The following GATA5 variants were observed in gnomAD, a reference collection of about 807,000 sequenced individuals.
The protein encoded by GATA5 is GATA binding protein 5.
A neutral mutation model predicts 35.0 loss-of-function variants in GATA5; 27 were observed. The ratio of observed to expected loss-of-function variants is 0.77; its 90% CI spans 0.57 to 1.06. GATA5 has a LOEUF of 1.06. Among genes scored for constraint, GATA5 ranks in the 50% least tolerant of loss-of-function variants. GATA5 has a pLI of 0.00. For synonymous variants in GATA5, 306 were observed against 267.8 expected (o/e 1.14, Z -1.39); for missense variants, 612 against 580.0 (o/e 1.06, Z -0.57).
At position 62,464,877 on chromosome 20, in the gene GATA5, C is replaced by G. The variant is rs781950321; in HGVS notation, c.1153G>C (p.Ala385Pro). 1 of 1,609,482 alleles carries G rather than the reference C, an allele frequency of 6.2e-7. No individual in the cohort carries two copies. The highest frequency in any genetic ancestry group is 1.8e-4 in the Middle Eastern group (1 of 5,684). The change falls in exon 7 of 7, where the codon GCT (alanine) becomes CCT (proline). Residue 385 changes from alanine (A) to proline (P), a missense_variant. Physicochemically the swap from Ala to Pro is conservative, Grantham distance 27. Coordinates refer to ENST00000252997, the MANE Select transcript of GATA5 (RefSeq NM_080473.5). The part of the protein sequence containing the change: ...APSPQAGLRG[A>P]LRQEAWCALA... ...GCACACCAGGCCTCTTGGCGCAGAGCCCCCCTGAGGCCAGCCTGGGGGCTT... is the reference window on the plus strand; with the variant it reads ...GCACACCAGGCCTCTTGGCGCAGAGGCCCCCTGAGGCCAGCCTGGGGGCTT...
intron 5 of GATA5, 50 bp downstream of exon 5, chr20:62,465,784 C>A: frequency 7.0e-7 from 1 of 1,420,280 alleles, no homozygotes; most frequent in South Asian, 1.2e-5. Context: ...CTGGAGGCAC[C>A]GAAGGCCACT....
intron 2 of GATA5, 87 bp downstream of exon 2, chr20:62,474,912 G>T: frequency 8.8e-7 from 1 of 1,137,754 alleles, no homozygotes; most frequent in Non-Finnish European, 1.1e-6. Context: ...CCGTGGGGGA[G>T]GATGAGGGGA....
intron 2 of GATA5, 39 bp downstream of exon 2, chr20:62,474,960 C>T: frequency 7.9e-7 from 1 of 1,268,514 alleles, no homozygotes; most frequent in Non-Finnish European, 1.0e-6. Context: ...CGGATTCGGC[C>T]GCTCCTGGGC....
rs986487322 is a variant in GATA5, at chr20:62,475,399, C to T, written c.123G>A (p.Ser41=). The T allele has an allele frequency of 2.1e-5, 29 of 1,354,946 alleles. No homozygotes were observed. In the African/African-American group the frequency reaches 2.9e-4, roughly 13 times the overall value. 83.9% of individuals were successfully genotyped at this position (1,354,946 alleles called of 1,614,324 possible). A position where few individuals can be genotyped will look rare whatever the true frequency, so the allele number is the denominator to read the frequency against. The change falls in exon 2 of 7, where the codon TCG becomes TCA. Residue 41 remains serine (S), a synonymous_variant. Transcript: ENST00000252997. The part of the protein sequence containing the change: ...PMFVPPARVP[S]MLSYLSGCEP... ...CACACCCGGACAGGTAGGACAGCAT[C>T]GAGGGGACGCGCGCCGGCGGCACAA...
Position 62,466,559 on chromosome 20 carries a change from G to C in GATA5, c.700-8C>G, listed in dbSNP as rs1989596469. On this transcript the variant is annotated splice_region_variant and splice_polypyrimidine_tract_variant and intron_variant, in intron 3 of 6. Transcript: ENST00000252997. ...GGCGCGGCGGGACGAGGACTGTGGG[G>C]GCGAGGGAGACTGGAGTGAGCCCCG... 6.5e-7 allele frequency: 1 copy of C among 1,546,502 alleles called. No homozygotes were observed. Among genetic ancestry groups the C allele is most frequent in the Admixed American group, 2.0e-5 (1 of 51,076 alleles).
At chr20:62,474,333 C>T (rs549770962) in intron 2 of GATA5, among the ~76,000 whole-genome samples, 3 of 152,310 alleles carry the variant, frequency 2.0e-5, no homozygotes, top group African/African-American at 4.8e-5. Context: ...GCGCCAGCAG[C>T]CGGGCTGTCC....
At chr20:62,466,282 G>T in intron 4 of GATA5, 144 bp downstream of exon 4, 4 of 979,770 alleles carry the variant, frequency 4.1e-6, no homozygotes, top group South Asian at 1.7e-5. Flanking sequence ...GCAGTCGGCC[G>T]GCCGGGACAT....
chr20:62,475,021 G>C lies in GATA5; in HGVS notation c.501C>G (p.Leu167=), dbSNP rs1417342068. ...CACCGAAGGTGGGCCTGCGGCCTGG[G>C]AGGCCGTGCAGGACGCTGCCATCGA... ...GPFDGSVLHG[L]PGRRPTFVSD... is the part of the protein sequence containing the mutation. Residue 167 remains leucine, a synonymous_variant, in exon 2 of 7, where the codon CTC becomes CTG. Transcript: ENST00000252997. 7.3e-7 allele frequency: 1 copy of C among 1,372,018 alleles called. No homozygotes were observed. Among genetic ancestry groups the C allele is most frequent in the East Asian group, 3.1e-5 (1 of 32,486 alleles). The allele number at this position is 1,372,018 out of a possible 1,614,324, so 85.0% of individuals were successfully genotyped here.
At position 62,470,633 on chromosome 20, in the gene GATA5, A is replaced by G. The variant is rs1398093171; in HGVS notation, c.699+2770T>C. On this transcript the variant is annotated intron_variant, in intron 3 of 6. Coordinates refer to ENST00000252997, the MANE Select transcript of GATA5 (RefSeq NM_080473.5). This position sits in a 1 kb window ranked among gnomAD's most constrained non-coding sequence, Gnocchi z 4.6. ...CGGGAAGGGACGCTTGGCTCCATGC[A>G]ACACTGGGCTACTTCCTGGAGCTGG... is the stretch of plus-strand genomic sequence containing the variant. 2.6e-5 allele frequency among the ~76,000 whole-genome samples: 4 copies of G among 152,148 alleles called. No individual in the cohort carries two copies. The highest frequency in any genetic ancestry group is 4.4e-5 in the Non-Finnish European group (3 of 68,010).
At chr20:62,472,118 C>T (rs1030787751) in intron 3 of GATA5, among the ~76,000 whole-genome samples, 3 of 152,132 alleles carry the variant, frequency 2.0e-5, no homozygotes, top group Admixed American at 1.3e-4. Context: ...GAACAGCACA[C>T]CTGGGAGCAC....
chr20:62,471,448 T>TTTTTTTTTTTTTTTTTTTTTTTTTTTTG lies in GATA5; in HGVS notation c.699+1954_699+1955insCAAAAAAAAAAAAAAAAAAAAAAAAAAA, dbSNP rs1216745509. Among the ~76,000 whole-genome samples the TTTTTTTTTTTTTTTTTTTTTTTTTTTTG allele has an allele frequency of 2.1e-5, 3 of 142,274 alleles. 1 individual carries two copies. The highest frequency in any genetic ancestry group is 2.3e-4 in the South Asian group (1 of 4,358). 93.3% of individuals were successfully genotyped at this position (142,274 alleles called of 152,430 possible). A position where few individuals can be genotyped will look rare whatever the true frequency, so the allele number is the denominator to read the frequency against. ...TCAATTACAATTTTTTTTTTTTTTT[T>TTTTTTTTTTTTTTTTTTTTTTTTTTTTG]TGTGATGAGGTCTTGCTCTGTTGCC... On this transcript the variant is annotated intron_variant, in intron 3 of 6. Transcript: ENST00000252997.
In GATA5 at chr20:62,473,395, G is replaced by T. The variant is rs782748816; in HGVS notation, c.699+8C>A. 6.3e-7 allele frequency: 1 copy of T among 1,599,422 alleles called. No homozygotes were observed. Among genetic ancestry groups the T allele is most frequent in the East Asian group, 2.3e-5 (1 of 44,106 alleles). On this transcript the variant is annotated splice_region_variant and intron_variant, in intron 3 of 6. Coordinates refer to ENST00000252997, the MANE Select transcript of GATA5 (RefSeq NM_080473.5). ...GCCCAGGCGCCCCTCTGCCCAGCCCGAACTCACCAGGCGCTTCTGAGGCCG... is the reference window on the plus strand; with the variant it reads ...GCCCAGGCGCCCCTCTGCCCAGCCCTAACTCACCAGGCGCTTCTGAGGCCG...
chr20:62,474,457 C>T (rs1989802716), intron 2 of GATA5, among the ~76,000 whole-genome samples: 1 of 152,232 alleles, frequency 6.6e-6, no homozygotes, highest in Non-Finnish European at 1.5e-5. Flanking sequence ...CTCCAAGGTC[C>T]CGGAGGGACG....
At chr20:62,468,392 A>G (rs556269679) in intron 3 of GATA5, among the ~76,000 whole-genome samples, 5 of 152,320 alleles carry the variant, frequency 3.3e-5, no homozygotes, top group Non-Finnish European at 5.9e-5. Flanking sequence ...CCCTTCCCCC[A>G]GGCTGCTGCC....
chr20:62,475,677 G>A (rs1351401124), intron 1 of GATA5, 135 bp from the exon 2 acceptor site: 1 of 537,330 alleles, frequency 1.9e-6, no homozygotes, highest in Non-Finnish European at 2.8e-6. Context: ...CGCGGGGCGG[G>A]TCCCCGAACC....
rs781786147 is a variant in GATA5 at position 62,475,530 on chromosome 20, G to A, written c.-9C>T. On this transcript the variant is annotated 5_prime_UTR_variant, in exon 2 of 7. Coordinates refer to ENST00000252997, the MANE Select transcript of GATA5 (RefSeq NM_080473.5). ...GCCAGGCTCTGGTACATCCTCCCAG[G>A]CGTGGTCTTGACCTGCAGGGAAGAG... 7.8e-7 allele frequency: 1 copy of A among 1,283,902 alleles called. No homozygotes were observed. Among genetic ancestry groups the A allele is most frequent in the Non-Finnish European group, 9.8e-7 (1 of 1,016,842 alleles). 79.5% of individuals were successfully genotyped at this position (1,283,902 alleles called of 1,614,324 possible).
Position 62,464,733 on chromosome 20 carries a change from G to A in GATA5, c.*103C>T. On this transcript the variant is annotated 3_prime_UTR_variant, in exon 7 of 7. Transcript: ENST00000252997. ...CCAGCAGACCCAGTCTCTGGGTTGG[G>A]GGGCCTGCTGGTCTCTGCTGTGCTG... The A allele has an allele frequency of 9.6e-7, 1 of 1,038,548 alleles. No individual in the cohort carries two copies. Among genetic ancestry groups the A allele is most frequent in the Non-Finnish European group, 1.4e-6 (1 of 732,438 alleles). 64.3% of individuals were successfully genotyped at this position (1,038,548 alleles called of 1,614,324 possible). A position where few individuals can be genotyped will look rare whatever the true frequency, so the allele number is the denominator to read the frequency against.
chr20:62,467,873 G>A (rs889019987), intron 3 of GATA5, among the ~76,000 whole-genome samples: 4 of 152,046 alleles, frequency 2.6e-5, no homozygotes, highest in African/African-American at 4.8e-5. Context: ...CGGCTTCCCC[G>A]TCTGTGTCTG....
Position 62,466,441 on chromosome 20 carries a change from G to A in GATA5, c.810C>T (p.Tyr270=). The part of the protein sequence containing the change: ...GEPVCNACGL[Y]MKLHGVPRPL... ...CCACACTCACCCCGTGCAGCTTCAT[G>A]TAGAGGCCGCAGGCATTGCACACGG... is the stretch of plus-strand genomic sequence containing the variant. The change falls in exon 4 of 7, where the codon TAC becomes TAT. Residue 270 remains tyrosine (Y), a synonymous_variant. Coordinates refer to ENST00000252997, the MANE Select transcript of GATA5 (RefSeq NM_080473.5). 1 of 1,586,354 alleles carries A rather than the reference G, an allele frequency of 6.3e-7. No homozygotes were observed. The highest frequency in any genetic ancestry group is 8.6e-7 in the Non-Finnish European group (1 of 1,166,734).
Sources: gnomAD v4.1 joint callset for allele counts (sites outside exome capture counted in the v4.1 genomes callset) on GRCh38, gnomAD v4.1.1 for gene constraint, Gnocchi (gnomAD v3.1) non-coding constraint, MANE v1.5 for transcripts, NCBI Gene and HGNC (gene_info 2026-07-23, HGNC 2026-07-21) for gene names.